SUPT20H: variants seen among roughly 807,000 people sequenced by gnomAD.
SUPT20H encodes SPT20 homolog, SAGA complex component.
A neutral mutation model predicts 122.8 loss-of-function variants in SUPT20H; 82 were observed. That is an observed-to-expected ratio of 0.67 (90% CI 0.56 to 0.80). The LOEUF (loss-of-function observed/expected upper bound fraction) is 0.80. Among genes scored for constraint, SUPT20H ranks in the 30% least tolerant of loss-of-function variants. The pLI is 0.00. For synonymous variants in SUPT20H, 291 were observed against 313.0 expected, an observed-to-expected ratio of 0.93 and a Z score of 0.74; for missense variants, 831 against 921.6, an observed-to-expected ratio of 0.90 and a Z score of 1.27.
In SUPT20H at chr13:37,009,456, AT is replaced by A. The variant is rs1162886925; in HGVS notation, c.*215del. ...CATATATATTATGTATAGTGAAACC[AT>A]TTTTAAAAAGCAATGACTTAGGCAA... On this transcript the variant is annotated 3_prime_UTR_variant, in exon 26 of 26. Transcript: ENST00000350612. 2 of 751,600 alleles carry A rather than the reference AT, an allele frequency of 2.7e-6. No individual in the cohort carries two copies. Among genetic ancestry groups the A allele is most frequent in the Admixed American group, 5.8e-5 (2 of 34,528 alleles). The allele number at this position is 751,600 out of a possible 1,614,324, so 46.6% of individuals were successfully genotyped here. A position where few individuals can be genotyped will look rare whatever the true frequency, so the allele number is the denominator to read the frequency against.
At chr13:37,024,732 G>A (rs1218928160) in intron 17 of SUPT20H, 2 of 209,916 alleles carry the variant, frequency 9.5e-6, no homozygotes, top group Non-Finnish European at 1.9e-5. Context: ...AGGCAGAGGA[G>A]TAAGATGAAA....
At position 37,021,466 on chromosome 13, in the gene SUPT20H, G is replaced by A; in HGVS notation, c.1798C>T (p.Gln600Ter). 6.2e-7 allele frequency: 1 copy of A among 1,611,816 alleles called. No homozygotes were observed. Among genetic ancestry groups the A allele is most frequent in the Non-Finnish European group, 8.5e-7 (1 of 1,178,942 alleles). The change falls in exon 21 of 26, where the codon CAG (glutamine) becomes TAG (stop). Residue 600 changes from glutamine (Q) to a stop codon, truncating the protein, a stop_gained. Transcript: ENST00000350612. LOFTEE classifies it high-confidence loss of function. The stretch of plus-strand genomic sequence containing the variant: ...TTCTGACCTGCTTGAGAAGCTGCCT[G>A]CATTGCACTGGGCAGTGCATTTGGT... ...LLPNALPSAM[Q>*]AASQAGVPFG...
intron 7 of SUPT20H, among the ~76,000 whole-genome samples, chr13:37,043,734 C>T (rs2065916139): frequency 6.6e-6 from 1 of 151,628 alleles, no homozygotes; most frequent in East Asian, 2.0e-4. Flanking sequence ...TGGTTTTCCT[C>T]TTCCTTCTCT....
At chr13:37,035,087 T>C (rs949198757) in intron 9 of SUPT20H, among the ~76,000 whole-genome samples, 2 of 152,226 alleles carry the variant, frequency 1.3e-5, no homozygotes, top group Non-Finnish European at 2.9e-5. Context: ...ATTAATGTTT[T>C]CATAGCTGCC....
chr13:37,028,184 G>T lies in SUPT20H; in HGVS notation c.1115C>A (p.Ala372Glu), dbSNP rs1468084846. Reference protein sequence around the residue: ...LYYGKIQPCKADEESDSQMSP... With the variant: ...LYYGKIQPCKEDEESDSQMSP... ...CATCTGGCTGTCACTTTCTTCATCTGCTTTACATGGCTGTATTTTACCATA... is the reference window on the plus strand; with the variant it reads ...CATCTGGCTGTCACTTTCTTCATCTTCTTTACATGGCTGTATTTTACCATA... Residue 372 changes from alanine (A) to glutamate (E), a missense_variant, in exon 14 of 26, where the codon GCA becomes GAA. Physicochemically the swap from Ala to Glu is moderately radical, Grantham distance 107. Coordinates refer to ENST00000350612, the MANE Select transcript of SUPT20H (RefSeq NM_001014286.3). 6.2e-7 allele frequency: 1 copy of T among 1,611,688 alleles called. No homozygotes were observed. Among genetic ancestry groups the T allele is most frequent in the Admixed American group, 1.7e-5 (1 of 59,544 alleles).
intron 22 of SUPT20H, 59 bp downstream of exon 22, chr13:37,019,283 T>C: frequency 1.5e-6 from 2 of 1,325,346 alleles, no homozygotes; most frequent in Non-Finnish European, 2.1e-6. Flanking sequence ...AGATATACAT[T>C]GTTTAGAAAA....
chr13:37,011,898 T>C (rs1052870530), intron 24 of SUPT20H, among the ~76,000 whole-genome samples: 1 of 152,160 alleles, frequency 6.6e-6, no homozygotes. Flanking sequence ...AAGATAACTA[T>C]TGGCAAACAC....
In SUPT20H at chr13:37,022,932, G is replaced by GTGAA. The variant is rs2061622688; in HGVS notation, c.1592-856_1592-853dup. 2 of 1,173,490 alleles carry GTGAA rather than the reference G, an allele frequency of 1.7e-6. No homozygotes were observed. The highest frequency in any genetic ancestry group is 6.5e-5 in the Admixed American group (2 of 30,990). The allele number at this position is 1,173,490 out of a possible 1,614,324, so 72.7% of individuals were successfully genotyped here. A position where few individuals can be genotyped will look rare whatever the true frequency, so the allele number is the denominator to read the frequency against. ...ATGTAGAATGTATAGAAAATCTGTTGTGAATGAAGTATGCACAGTTTATCA... is the reference window on the plus strand; with the variant it reads ...ATGTAGAATGTATAGAAAATCTGTTGTGAATGAATGAAGTATGCACAGTTTATCA... On this transcript the variant is annotated intron_variant, in intron 19 of 25. Coordinates refer to ENST00000350612, the MANE Select transcript of SUPT20H (RefSeq NM_001014286.3). This position sits in a 1 kb window ranked among gnomAD's most constrained non-coding sequence, Gnocchi z 4.5.
chr13:37,056,906 G>A (rs1198634865), intron 1 of SUPT20H: 1 of 152,198 alleles, frequency 6.6e-6, no homozygotes, highest in East Asian at 1.9e-4. Context: ...GTGGTCTAGA[G>A]TGAGGCACAG....
At chr13:37,035,401 G>T (rs902137997) in intron 9 of SUPT20H, among the ~76,000 whole-genome samples, 2 of 152,150 alleles carry the variant, frequency 1.3e-5, no homozygotes, top group Non-Finnish European at 2.9e-5. Flanking sequence ...AATCACTGCA[G>T]ATGTGGTGAT....
intron 23 of SUPT20H, chr13:37,013,012 C>T (rs770278520): frequency 6.6e-6 from 1 of 152,066 alleles, no homozygotes; most frequent in Non-Finnish European, 1.5e-5. Context: ...TACTGGAAGA[C>T]TCACATCATA....
chr13:37,024,249 T>C (rs572316753), intron 18 of SUPT20H, 56 bp from the exon 19 acceptor site: 3 of 1,547,472 alleles, frequency 1.9e-6, no homozygotes, highest in East Asian at 2.3e-5. Flanking sequence ...CTGTGAACTG[T>C]AGAAATCAAA....
At chr13:37,010,271 T>TA (rs1316396448) in intron 25 of SUPT20H, among the ~76,000 whole-genome samples, 3 of 152,228 alleles carry the variant, frequency 2.0e-5, no homozygotes, top group African/African-American at 7.2e-5. Context: ...AATTGGCACT[T>TA]ACAACTGTCT....
At chr13:37,035,520 C>T (rs1174326613) in intron 9 of SUPT20H, among the ~76,000 whole-genome samples, 1 of 151,360 alleles carries the variant, frequency 6.6e-6, no homozygotes, top group Non-Finnish European at 1.5e-5. Flanking sequence ...TGACCATATA[C>T]AGTGTTTTTT....
In SUPT20H at chr13:37,024,458, A is replaced by G. The variant is rs2061866434; in HGVS notation, c.1330-16T>C. ...TTTCAGTTTGCTAAAAGACAATGAC[A>G]TTAAGCTTACTTGTTAAAATTAATA... On this transcript the variant is annotated splice_polypyrimidine_tract_variant and intron_variant, in intron 17 of 25. Coordinates refer to ENST00000350612, the MANE Select transcript of SUPT20H (RefSeq NM_001014286.3). 6 of 1,496,576 alleles carry G rather than the reference A, an allele frequency of 4.0e-6. No individual in the cohort carries two copies. The highest frequency in any genetic ancestry group is 5.4e-6 in the Non-Finnish European group (6 of 1,119,400). The allele number at this position is 1,496,576 out of a possible 1,614,324, so 92.7% of individuals were successfully genotyped here.
chr13:37,051,111 T>C (rs887093110), intron 2 of SUPT20H, among the ~76,000 whole-genome samples: 1 of 152,214 alleles, frequency 6.6e-6, no homozygotes, highest in African/African-American at 2.4e-5. Context: ...AGGTTACATT[T>C]GTTTTTAAAT....
intron 1 of SUPT20H, among the ~76,000 whole-genome samples, chr13:37,054,457 G>T (rs1287156887): frequency 2.0e-5 from 3 of 152,178 alleles, no homozygotes; most frequent in Non-Finnish European, 2.9e-5. Context: ...TGCAAGGCTG[G>T]TTCAACATAC....
At position 37,009,756 on chromosome 13, in the gene SUPT20H, T is replaced by C. The variant is rs1481788958; in HGVS notation, c.2256A>G (p.Thr752=). ...TATGCCGATGATGATGTAGCTGAGC[T>C]GTTTGTGCTGCTGCTGCTGCCATAG... ...QMAMAAAAAQ[T]AQLHHHRHTG... The change falls in exon 26 of 26, where the codon ACA becomes ACG. Residue 752 remains threonine (T), a synonymous_variant. Transcript: ENST00000350612. 6.2e-7 allele frequency: 1 copy of C among 1,614,008 alleles called. No homozygotes were observed. Among genetic ancestry groups the C allele is most frequent in the Non-Finnish European group, 8.5e-7 (1 of 1,179,978 alleles).
chr13:37,056,069 C>A (rs1160816089), intron 1 of SUPT20H, among the ~76,000 whole-genome samples: 1 of 152,180 alleles, frequency 6.6e-6, no homozygotes, highest in Non-Finnish European at 1.5e-5. Context: ...AATGAGATAC[C>A]ATCTCACACC....
Sources: gnomAD v4.1 joint callset for allele counts (sites outside exome capture counted in the v4.1 genomes callset) on GRCh38, gnomAD v4.1.1 for gene constraint, Gnocchi (gnomAD v3.1) non-coding constraint, MANE v1.5 for transcripts, NCBI Gene and HGNC (gene_info 2026-07-23, HGNC 2026-07-21) for gene names.